Variants in PLCB4 observed in about 807,000 individuals in gnomAD.
PLCB4 encodes 1-phosphatidylinositol 4,5-bisphosphate phosphodiesterase beta-4.
PLCB4 carries 77 observed loss-of-function variants against 178.8 expected under a neutral mutation model. The ratio of observed to expected loss-of-function variants is 0.43; its 90% confidence interval spans 0.36 to 0.52. PLCB4 has a LOEUF of 0.52. PLCB4 is among the 20% of genes least tolerant of loss of function. The pLI, the probability that PLCB4 is intolerant of heterozygous loss-of-function variation, is 0.00. For missense variants in PLCB4, 1,024 were observed against 1,453.4 expected, an observed-to-expected ratio of 0.70 and a Z score of 4.80; for synonymous variants, 496 against 490.8, an observed-to-expected ratio of 1.01 and a Z score of -0.14.
At position 9,098,767 on chromosome 20, in the gene PLCB4, A is replaced by G. The variant is rs373814357; in HGVS notation, c.-79+2425A>G. Among the ~76,000 whole-genome samples, 203 of 48,322 alleles carry G rather than the reference A, an allele frequency of 4.2e-3. No individual in the cohort carries two copies. The East Asian group carries it at 0.044, about 10-fold the overall frequency. 31.7% of individuals were successfully genotyped at this position (48,322 alleles called of 152,430 possible). On this transcript the variant is annotated intron_variant, in intron 2 of 39. Transcript: ENST00000378473. ...TGTGTGTGTGTGTGTGTGTGTGTATATATATATGAGACTATTTAATACATG... is the reference window on the plus strand; with the variant it reads ...TGTGTGTGTGTGTGTGTGTGTGTATGTATATATGAGACTATTTAATACATG...
chr20:9,133,906 A>G (rs2092329840), intron 2 of PLCB4, among the ~76,000 whole-genome samples: 1 of 152,190 alleles, frequency 6.6e-6, no homozygotes, highest in South Asian at 2.1e-4. Flanking sequence ...ACAATACTCC[A>G]GGTAGCTTTG....
At chr20:9,130,687 C>G (rs1233748798) in intron 2 of PLCB4, among the ~76,000 whole-genome samples, 1 of 152,142 alleles carries the variant, frequency 6.6e-6, no homozygotes, top group Admixed American at 6.5e-5. Context: ...ATTTCATATA[C>G]TGGAGGTTGG....
chr20:9,254,203 G>A (rs953880749), intron 3 of PLCB4, among the ~76,000 whole-genome samples: 6 of 151,968 alleles, frequency 3.9e-5, no homozygotes, highest in Admixed American at 1.3e-4. Flanking sequence ...TAAAATAACC[G>A]GATTATATTA....
At chr20:9,079,739 T>C (rs2090055758) in intron 1 of PLCB4, among the ~76,000 whole-genome samples, 1 of 152,084 alleles carries the variant, frequency 6.6e-6, no homozygotes, top group African/African-American at 2.4e-5. Context: ...AGTGATTAAA[T>C]TGAAATTGAA....
intron 7 of PLCB4, among the ~76,000 whole-genome samples, chr20:9,342,193 G>A (rs2033288729): frequency 6.6e-6 from 1 of 151,872 alleles, no homozygotes; most frequent in African/African-American, 2.4e-5. Context: ...TCCTCTATAT[G>A]TGTTTCTATT....
chr20:9,082,209 A>T (rs1399359703), intron 1 of PLCB4, among the ~76,000 whole-genome samples: 1 of 152,238 alleles, frequency 6.6e-6, no homozygotes. Context: ...GTAATTTAAA[A>T]TGCTTTGTAT....
intron 2 of PLCB4, among the ~76,000 whole-genome samples, chr20:9,114,983 A>G (rs187450082): frequency 6.6e-6 from 1 of 152,266 alleles, no homozygotes; most frequent in African/African-American, 2.4e-5. Flanking sequence ...TATGAACTTC[A>G]CAGAGTAATT....
chr20:9,187,497 C>A (rs1412089199), intron 2 of PLCB4, among the ~76,000 whole-genome samples: 2 of 152,166 alleles, frequency 1.3e-5, no homozygotes, highest in African/African-American at 4.8e-5. Context: ...AACTTCCATG[C>A]CAGACTGTAA....
chr20:9,105,274 C>G (rs2091319376), intron 2 of PLCB4, among the ~76,000 whole-genome samples: 1 of 152,024 alleles, frequency 6.6e-6, no homozygotes, highest in Non-Finnish European at 1.5e-5. Flanking sequence ...AATGACTTTC[C>G]TAGAAATGTA....
intron 1 of PLCB4, among the ~76,000 whole-genome samples, chr20:9,083,883 C>A (rs921416189): frequency 5.9e-5 from 9 of 152,122 alleles, no homozygotes; most frequent in African/African-American, 2.2e-4. Context: ...GAACTTCTAG[C>A]CTCTGGAACT....
intron 2 of PLCB4, among the ~76,000 whole-genome samples, chr20:9,185,296 T>C (rs968529833): frequency 1.3e-5 from 2 of 151,268 alleles, no homozygotes; most frequent in African/African-American, 4.9e-5. Flanking sequence ...GACTGAGTGA[T>C]AACATTTTCT....
At chr20:9,375,193 A>G (rs2036570253) in intron 12 of PLCB4, among the ~76,000 whole-genome samples, 1 of 152,162 alleles carries the variant, frequency 6.6e-6, no homozygotes, top group Admixed American at 6.6e-5. Flanking sequence ...AAACATAGAG[A>G]ACATTCTGCC....
chr20:9,291,418 A>T (rs1215010859), intron 3 of PLCB4, among the ~76,000 whole-genome samples: 1 of 152,178 alleles, frequency 6.6e-6, no homozygotes, highest in East Asian at 1.9e-4. Flanking sequence ...GCCAAACCTG[A>T]GGAGGAGGGG....
chr20:9,274,394 G>A (rs1172649426), intron 3 of PLCB4, among the ~76,000 whole-genome samples: 1 of 151,934 alleles, frequency 6.6e-6, no homozygotes, highest in South Asian at 2.1e-4. Flanking sequence ...AAAAGAGAGG[G>A]CAATGCAGGA....
At chr20:9,211,342 C>A (rs2093670841) in intron 2 of PLCB4, among the ~76,000 whole-genome samples, 1 of 152,182 alleles carries the variant, frequency 6.6e-6, no homozygotes, top group Admixed American at 6.5e-5. Context: ...ACTGCCAGGT[C>A]TTTGCCCTTC....
At position 9,180,343 on chromosome 20, in the gene PLCB4, T is replaced by G. The variant is rs1032813887; in HGVS notation, c.-78-37047T>G. ...TAAAAAAGACCATTAGTACTCATTGTTCAGCGATTTAAATCTCACAAGTAG... is the reference window on the plus strand; with the variant it reads ...TAAAAAAGACCATTAGTACTCATTGGTCAGCGATTTAAATCTCACAAGTAG... On this transcript the variant is annotated intron_variant, in intron 2 of 39. Coordinates refer to ENST00000378473, the MANE Select transcript of PLCB4 (RefSeq NM_001377142.1). 2.6e-5 allele frequency among the ~76,000 whole-genome samples: 4 copies of G among 152,204 alleles called. 1 individual carries two copies. Among genetic ancestry groups the G allele is most frequent in the African/African-American group, 9.6e-5 (4 of 41,464 alleles).
intron 1 of PLCB4, among the ~76,000 whole-genome samples, chr20:9,084,716 A>T (rs1327552668): frequency 1.3e-5 from 2 of 152,238 alleles, no homozygotes; most frequent in Non-Finnish European, 2.9e-5. Context: ...AACAGCAAAC[A>T]TAACTGCTGA....
At chr20:9,224,111 A>C (rs1201573578) in intron 3 of PLCB4, among the ~76,000 whole-genome samples, 4 of 152,244 alleles carry the variant, frequency 2.6e-5, no homozygotes, top group African/African-American at 9.6e-5. Context: ...TTATGAGTTC[A>C]ACTCTCAGAG....
chr20:9,426,224 A>T (rs1040860846), intron 28 of PLCB4, among the ~76,000 whole-genome samples: 1 of 152,204 alleles, frequency 6.6e-6, no homozygotes, highest in Non-Finnish European at 1.5e-5. Flanking sequence ...TTTTTTCCAC[A>T]AATATGCATA....
Sources: gnomAD v4.1 joint callset for allele counts (sites outside exome capture counted in the v4.1 genomes callset) on GRCh38, gnomAD v4.1.1 for gene constraint, MANE v1.5 for transcripts, NCBI Gene and HGNC (gene_info 2026-07-23, HGNC 2026-07-21) for gene names.